GXYLT1: variants seen among roughly 807,000 people sequenced by gnomAD.
GXYLT1 encodes glucoside xylosyltransferase 1.
GXYLT1 carries 29 observed loss-of-function variants against 54.0 expected under a neutral mutation model. The observed-to-expected ratio is 0.54, with a 90% CI of 0.40 to 0.73. The LOEUF (loss-of-function observed/expected upper bound fraction) is 0.73. Ranked by LOEUF, GXYLT1 falls within the 30% of genes least tolerant of loss-of-function variation. GXYLT1 has a pLI of 0.00. For synonymous variants in GXYLT1, 176 were observed against 204.1 expected, an observed-to-expected ratio of 0.86 and a Z score of 1.17; for missense variants, 490 against 553.4, an observed-to-expected ratio of 0.89 and a Z score of 1.15.
chr12:42,106,098 C>T, intron 4 of GXYLT1, 29 bp from the exon 5 acceptor site: 1 of 1,449,284 alleles, frequency 6.9e-7, no homozygotes, highest in Non-Finnish European at 9.4e-7. Flanking sequence ...GAATGATTAA[C>T]TATAATTCTA....
At chr12:42,114,424 G>A (rs545258636) in intron 3 of GXYLT1, among the ~76,000 whole-genome samples, 53 of 152,104 alleles carry the variant, frequency 3.5e-4, no homozygotes, top group African/African-American at 1.2e-3. Flanking sequence ...TCAAATACAC[G>A]CAATAAAACA....
chr12:42,096,568 C>T (rs1292913839), intron 7 of GXYLT1, among the ~76,000 whole-genome samples: 1 of 152,124 alleles, frequency 6.6e-6, no homozygotes, highest in East Asian at 1.9e-4. Context: ...GAGCGATCTT[C>T]CTTATAGACG....
intron 7 of GXYLT1, among the ~76,000 whole-genome samples, chr12:42,089,187 A>G (rs2065314792): frequency 1.3e-5 from 2 of 152,054 alleles, no homozygotes; most frequent in Non-Finnish European, 2.9e-5. Context: ...TGTAATAAAA[A>G]TAACAATAGC....
chr12:42,137,705 C>A (rs186583781), intron 1 of GXYLT1, among the ~76,000 whole-genome samples: 265 of 140,842 alleles, frequency 1.9e-3, no homozygotes, highest in African/African-American at 6.9e-3. Context: ...TGCCTTGAGC[C>A]GAGATCATGC....
At position 42,129,223 on chromosome 12, in the gene GXYLT1, C is replaced by G. The variant is rs145310051; in HGVS notation, c.314+536G>C. ...CATTATCCAGAGAAGTGAATAAAGCCGAACTAGTCAGTAACTTAAAAGGTC... is the reference window on the plus strand; with the variant it reads ...CATTATCCAGAGAAGTGAATAAAGCGGAACTAGTCAGTAACTTAAAAGGTC... On this transcript the variant is annotated intron_variant, in intron 2 of 7. Transcript: ENST00000398675. Among the ~76,000 whole-genome samples the G allele has an allele frequency of 1.9e-4, 29 of 152,174 alleles. No homozygotes were observed. The East Asian group carries it at 4.2e-3, about 22-fold the overall frequency.
chr12:42,106,743 CTTTTTTTTTT>C (rs1231770611), intron 4 of GXYLT1, among the ~76,000 whole-genome samples: 9 of 127,632 alleles, frequency 7.1e-5, no homozygotes, highest in Non-Finnish European at 1.3e-4. Flanking sequence ...TATTATTTTT[CTTTTTTTTTT>C]TTTTTTTTTT....
chr12:42,138,963 G>A (rs1271888481), intron 1 of GXYLT1, among the ~76,000 whole-genome samples: 2 of 152,088 alleles, frequency 1.3e-5, no homozygotes, highest in African/African-American at 2.4e-5. Context: ...GCTTGAACCC[G>A]GGAGGCGGAG....
At chr12:42,099,003 G>C (rs2065374433) in intron 5 of GXYLT1, among the ~76,000 whole-genome samples, 1 of 151,908 alleles carries the variant, frequency 6.6e-6, no homozygotes, top group African/African-American at 2.4e-5. Flanking sequence ...GTCCAGTCTA[G>C]CAGATGTATG....
At position 42,109,547 on chromosome 12, in the gene GXYLT1, A is replaced by G. The variant is rs1181643867; in HGVS notation, c.612+19T>C. ...TTAAAAAAAAAAAAAAAAAAAAGACACTAGGGGAAAAAACTTACCGGCAAG... is the reference window on the plus strand; with the variant it reads ...TTAAAAAAAAAAAAAAAAAAAAGACGCTAGGGGAAAAAACTTACCGGCAAG... On this transcript the variant is annotated intron_variant, in intron 4 of 7. Coordinates refer to ENST00000398675, the MANE Select transcript of GXYLT1 (RefSeq NM_173601.2). 1.4e-6 allele frequency: 2 copies of G among 1,448,138 alleles called. No individual in the cohort carries two copies. Among genetic ancestry groups the G allele is most frequent in the African/African-American group, 3.0e-5 (2 of 67,742 alleles). The allele number at this position is 1,448,138 out of a possible 1,614,324, so 89.7% of individuals were successfully genotyped here.
intron 5 of GXYLT1, among the ~76,000 whole-genome samples, chr12:42,103,881 A>G (rs2136886954): frequency 6.6e-6 from 1 of 151,714 alleles, no homozygotes; most frequent in Non-Finnish European, 1.5e-5. Flanking sequence ...CATGTCACAG[A>G]AAAAAAAAGA....
In GXYLT1 at chr12:42,088,222, A is replaced by C. The variant is rs538427508; in HGVS notation, c.1162-275T>G. On this transcript the variant is annotated intron_variant, in intron 7 of 7. Transcript: ENST00000398675. ...AATACTGGTTAAGAAGACAACCAAA[A>C]GCCCTACGAGTATCTCGGTGAAACT... is the stretch of plus-strand genomic sequence containing the variant. Among the ~76,000 whole-genome samples, 221 of 152,234 alleles carry C rather than the reference A, an allele frequency of 1.5e-3. 8 individuals are homozygous for C. The South Asian group carries it at 0.045, about 31-fold the overall frequency.
chr12:42,128,751 T>C (rs1468936516), intron 2 of GXYLT1, among the ~76,000 whole-genome samples: 3 of 152,084 alleles, frequency 2.0e-5, no homozygotes, highest in Non-Finnish European at 4.4e-5. Context: ...TGAAGAGCAG[T>C]GGCGTCATCA....
In GXYLT1 at chr12:42,137,574, G is replaced by A. The variant is rs376781412; in HGVS notation, c.221+6852C>T. On this transcript the variant is annotated intron_variant, in intron 1 of 7. Coordinates refer to ENST00000398675, the MANE Select transcript of GXYLT1 (RefSeq NM_173601.2). Reference sequence around the variant, plus strand: ...GAGACCATCCTGGCTAACACGGTGCGGTGAAACCCTGTCTCTACTAAAAAT... The same window carrying A: ...GAGACCATCCTGGCTAACACGGTGCAGTGAAACCCTGTCTCTACTAAAAAT... Among the ~76,000 whole-genome samples the A allele has an allele frequency of 2.7e-4, 41 of 149,098 alleles. 1 individual carries two copies. In the East Asian group the frequency reaches 4.1e-3, roughly 15 times the overall value.
intron 3 of GXYLT1, among the ~76,000 whole-genome samples, chr12:42,116,147 T>C (rs1399634577): frequency 6.6e-6 from 1 of 152,000 alleles, no homozygotes; most frequent in Non-Finnish European, 1.5e-5. Flanking sequence ...GATTAAAGAC[T>C]TACATGTTAG....
chr12:42,091,867 G>A (rs892793764), intron 7 of GXYLT1, among the ~76,000 whole-genome samples: 4 of 151,994 alleles, frequency 2.6e-5, no homozygotes, highest in Admixed American at 6.6e-5. Context: ...ACTTCATTTC[G>A]GCCCCTGCTG....
intron 3 of GXYLT1, among the ~76,000 whole-genome samples, chr12:42,111,663 A>G (rs899396820): frequency 6.6e-6 from 1 of 152,236 alleles, no homozygotes; most frequent in Admixed American, 6.5e-5. Context: ...GGAGCCCACC[A>G]CAGCTCAAGG....
rs1275631403 is a variant in GXYLT1, at chr12:42,086,152, C to T, written c.*1634G>A. On this transcript the variant is annotated 3_prime_UTR_variant, in exon 8 of 8. Transcript: ENST00000398675. Reference sequence around the variant, plus strand: ...CTCCAAACTTCACATTTTTAGTATTCTCATTTTCTACTCAGTAAGCTCAAT... The same window carrying T: ...CTCCAAACTTCACATTTTTAGTATTTTCATTTTCTACTCAGTAAGCTCAAT... The T allele has an allele frequency of 6.6e-6, 1 of 152,218 alleles. No homozygotes were observed. Among genetic ancestry groups the T allele is most frequent in the Admixed American group, 6.5e-5 (1 of 15,282 alleles). The allele number at this position is 152,218 out of a possible 1,614,324, so 9.4% of individuals were successfully genotyped here. A position where few individuals can be genotyped will look rare whatever the true frequency, so the allele number is the denominator to read the frequency against.
intron 2 of GXYLT1, among the ~76,000 whole-genome samples, chr12:42,121,549 G>C (rs2065531629): frequency 6.6e-6 from 1 of 151,970 alleles, no homozygotes; most frequent in African/African-American, 2.4e-5. Flanking sequence ...AGGGTTGCTC[G>C]AGTCCAGGAG....
Position 42,144,516 on chromosome 12 carries a change from G to T in GXYLT1, c.131C>A (p.Ala44Glu). 2 of 1,420,612 alleles carry T rather than the reference G, an allele frequency of 1.4e-6. No individual in the cohort carries two copies. The highest frequency in any genetic ancestry group is 9.2e-7 in the Non-Finnish European group (1 of 1,084,162). 88.0% of individuals were successfully genotyped at this position (1,420,612 alleles called of 1,614,324 possible). The change falls in exon 1 of 8, where the codon GCG becomes GAG. Residue 44 changes from alanine to glutamate, a missense_variant. This residue lies in a region of GXYLT1 where 148 missense variants were observed against 210.7 expected (regional missense o/e 0.70). Coordinates refer to ENST00000398675, the MANE Select transcript of GXYLT1 (RefSeq NM_173601.2). The stretch of plus-strand genomic sequence containing the variant: ...GCCGCCCGCGAGCCAGGAAGCCACC[G>T]CGGCCTGCGGCTTCCCGCCACCGCC... ...TGGGGGKPQA[A>E]VASWLAGGGR...
Sources: allele counts gnomAD v4.1 joint callset (sites outside exome capture counted in the v4.1 genomes callset), GRCh38; gene constraint gnomAD v4.1.1; regional missense constraint gnomAD v4.1.1; transcripts MANE v1.5; gene names NCBI Gene and HGNC (gene_info 2026-07-23, HGNC 2026-07-21).